Variants in NELL2 observed in about 807,000 individuals in gnomAD.
NELL2 encodes neural EGFL like 2.
Under a neutral mutation model 109.6 loss-of-function variants are expected in NELL2, and 41 were observed. The observed-to-expected ratio is 0.37, with a 90% CI of 0.29 to 0.49. The LOEUF is 0.49. Among genes scored for constraint, NELL2 ranks in the 20% least tolerant of loss-of-function variants. The pLI is 0.98. For missense variants in NELL2, 900 were observed against 1,008.3 expected, an observed-to-expected ratio of 0.89 and a Z score of 1.45; for synonymous variants, 355 against 344.7, an observed-to-expected ratio of 1.03 and a Z score of -0.33.
chr12:44,723,532 T>G (rs1423537654), intron 9 of NELL2, among the ~76,000 whole-genome samples: 1 of 152,228 alleles, frequency 6.6e-6, no homozygotes, highest in Admixed American at 6.5e-5. Context: ...TGTTTTGATG[T>G]TGAACATTTT....
intron 9 of NELL2, among the ~76,000 whole-genome samples, chr12:44,745,776 C>T (rs1424505743): frequency 6.6e-6 from 1 of 152,086 alleles, no homozygotes; most frequent in African/African-American, 2.4e-5. Context: ...AACTACAAAC[C>T]ACTGCTCAAT....
intron 9 of NELL2, among the ~76,000 whole-genome samples, chr12:44,763,088 C>G (rs1324800934): frequency 6.6e-6 from 1 of 152,164 alleles, no homozygotes; most frequent in Non-Finnish European, 1.5e-5. Context: ...ATTGTCTCCC[C>G]CAGCTCTAAG....
intron 9 of NELL2, among the ~76,000 whole-genome samples, chr12:44,718,774 A>G (rs1461070088): frequency 6.6e-6 from 1 of 152,218 alleles, no homozygotes; most frequent in East Asian, 1.9e-4. Context: ...TTGAAATCAT[A>G]TTAACCCACA....
intron 19 of NELL2, among the ~76,000 whole-genome samples, chr12:44,510,746 C>G (rs566598767): frequency 3.9e-4 from 59 of 152,250 alleles, no homozygotes; most frequent in African/African-American, 1.4e-3. Context: ...TAACATATTC[C>G]TAGAGACAGA....
At chr12:44,586,722 T>A (rs1201569150) in intron 15 of NELL2, among the ~76,000 whole-genome samples, 1 of 152,202 alleles carries the variant, frequency 6.6e-6, no homozygotes, top group African/African-American at 2.4e-5. Context: ...AGTAGTTAGC[T>A]TTTTTCCCAT....
At chr12:44,825,341 C>T (rs1299347933) in intron 2 of NELL2, among the ~76,000 whole-genome samples, 1 of 150,766 alleles carries the variant, frequency 6.6e-6, no homozygotes, top group East Asian at 1.9e-4. Flanking sequence ...ATTTAATTTA[C>T]ACCTACGTAT....
intron 9 of NELL2, among the ~76,000 whole-genome samples, chr12:44,729,564 T>TAAAAA (rs71435985): frequency 0.036 from 2,251 of 62,072 alleles, 22 homozygotes; most frequent in Non-Finnish European, 0.058. Context: ...CTGAATGAAT[T>TAAAAA]AAAAAAAAAA....
chr12:44,915,536 C>T (rs1185154822), upstream of NELL2, among the ~76,000 whole-genome samples: 1 of 152,132 alleles, frequency 6.6e-6, no homozygotes, highest in Non-Finnish European at 1.5e-5. Flanking sequence ...ATTCCCCTCT[C>T]GAGTCTTCAT....
intron 18 of NELL2, among the ~76,000 whole-genome samples, chr12:44,521,073 C>T (rs1326909854): frequency 1.3e-5 from 2 of 152,190 alleles, no homozygotes; most frequent in African/African-American, 4.8e-5. Context: ...GACCAATTTT[C>T]CTTTTCATTT....
At chr12:44,625,104 A>G (rs1480614314) in intron 13 of NELL2, among the ~76,000 whole-genome samples, 1 of 149,854 alleles carries the variant, frequency 6.7e-6, no homozygotes. Context: ...GGGATAGGAA[A>G]GTCCTCTTTT....
intron 9 of NELL2, among the ~76,000 whole-genome samples, chr12:44,723,059 G>C (rs914730407): frequency 6.6e-6 from 1 of 151,964 alleles, no homozygotes; most frequent in African/African-American, 2.4e-5. Flanking sequence ...CATGGTGGTG[G>C]GCGCCTGTAG....
At chr12:44,611,060 A>G in intron 13 of NELL2, 90 bp from the exon 14 acceptor site, 2 of 1,296,872 alleles carry the variant, frequency 1.5e-6, no homozygotes, top group Non-Finnish European at 2.2e-6. Context: ...ATTGCATGGT[A>G]AATTCTTTCA....
intron 13 of NELL2, among the ~76,000 whole-genome samples, chr12:44,645,031 A>G (rs527585737): frequency 5.9e-5 from 9 of 152,264 alleles, no homozygotes; most frequent in Admixed American, 4.6e-4. Context: ...GTAAGAGCCA[A>G]CTATGGAAAA....
chr12:44,873,088 T>C (rs904984433), intron 2 of NELL2, among the ~76,000 whole-genome samples: 1 of 152,174 alleles, frequency 6.6e-6, no homozygotes, highest in Non-Finnish European at 1.5e-5. Flanking sequence ...AAGAGCATAA[T>C]CAATACATCA....
intron 2 of NELL2, among the ~76,000 whole-genome samples, chr12:44,848,517 A>T (rs1944440592): frequency 6.6e-6 from 1 of 152,276 alleles, no homozygotes; most frequent in South Asian, 2.1e-4. Flanking sequence ...ACACACAGAC[A>T]AACACAGGAC....
At chr12:44,688,108 T>C (rs1053281358) in intron 12 of NELL2, among the ~76,000 whole-genome samples, 2 of 152,214 alleles carry the variant, frequency 1.3e-5, no homozygotes, top group Non-Finnish European at 2.9e-5. Context: ...AGACTTGTCA[T>C]ATAATTTTCA....
intron 9 of NELL2, among the ~76,000 whole-genome samples, chr12:44,754,660 G>A (rs1024072063): frequency 1.3e-4 from 20 of 152,112 alleles, no homozygotes; most frequent in African/African-American, 4.8e-4. Context: ...AAGATAAAAT[G>A]ACTGCTATTT....
intron 13 of NELL2, among the ~76,000 whole-genome samples, chr12:44,657,562 G>A (rs1406779656): frequency 2.0e-5 from 3 of 152,064 alleles, no homozygotes; most frequent in Admixed American, 1.3e-4. Flanking sequence ...CACGTGCCAT[G>A]GTGGTTTGCT....
chr12:44,899,808 C>T (rs918520131), intron 1 of NELL2, among the ~76,000 whole-genome samples: 3 of 152,112 alleles, frequency 2.0e-5, no homozygotes, highest in African/African-American at 7.2e-5. Context: ...TTAAAAGACA[C>T]AGACTGGCAA....
Sources: allele counts gnomAD v4.1 joint callset (sites outside exome capture counted in the v4.1 genomes callset), GRCh38; gene constraint gnomAD v4.1.1; transcripts MANE v1.5; gene names NCBI Gene and HGNC (gene_info 2026-07-23, HGNC 2026-07-21).